The following PATJ variants were observed in gnomAD, a reference collection of about 807,000 sequenced individuals.
The protein encoded by PATJ is inaD-like protein.
A neutral mutation model predicts 224.9 loss-of-function variants in PATJ; 190 were observed. The observed-to-expected ratio is 0.84, with a 90% CI of 0.75 to 0.95. The LOEUF (loss-of-function observed/expected upper bound fraction) is 0.95. PATJ is among the 40% of genes least tolerant of loss of function. The probability of loss-of-function intolerance (pLI) is 0.00; values close to 1 mark genes in which losing one functional copy is unlikely to be tolerated. For synonymous variants in PATJ, 769 were observed against 820.3 expected (o/e 0.94, Z 1.07); for missense variants, 2,121 against 2,270.3 (o/e 0.93, Z 1.34).
intron 33 of PATJ, among the ~76,000 whole-genome samples, chr1:62,101,190 A>G (rs1662111399): frequency 6.6e-6 from 1 of 151,744 alleles, no homozygotes; most frequent in Non-Finnish European, 1.5e-5. Context: ...ATGTGCATAC[A>G]TTATCCATGT....
At chr1:61,938,237 G>A (rs1480057808) in intron 27 of PATJ, among the ~76,000 whole-genome samples, 1 of 152,172 alleles carries the variant, frequency 6.6e-6, no homozygotes, top group Non-Finnish European at 1.5e-5. Context: ...GTGGATGGGG[G>A]ATTCTACTGT....
Position 61,836,757 on chromosome 1 carries a change from G to A in PATJ, c.2112+2972G>A, listed in dbSNP as rs149751282. Among the ~76,000 whole-genome samples, 306 of 152,316 alleles carry A rather than the reference G, an allele frequency of 2.0e-3. 3 individuals are homozygous for A. Among genetic ancestry groups the A allele is most frequent in the African/African-American group, 6.9e-3 (288 of 41,570 alleles). On this transcript the variant is annotated intron_variant, in intron 17 of 43. Coordinates refer to ENST00000642238, the MANE Select transcript of PATJ (RefSeq NM_001350145.3). ...TATTTTTTGCAAGGCCAGGCAAAGG[G>A]TTTAGCAAAAGCCATGAAAGGCCAC...
chr1:61,810,102 G>A (rs1051018022), intron 14 of PATJ, among the ~76,000 whole-genome samples: 1 of 151,590 alleles, frequency 6.6e-6, no homozygotes, highest in Admixed American at 6.6e-5. Flanking sequence ...CACCTGCCTC[G>A]GCCTCCCAGA....
At chr1:61,992,309 G>A (rs1187968420) in intron 28 of PATJ, among the ~76,000 whole-genome samples, 2 of 151,940 alleles carry the variant, frequency 1.3e-5, no homozygotes, top group African/African-American at 4.8e-5. Flanking sequence ...GTAGAGATGG[G>A]GTTTCTCCAT....
At chr1:62,129,031 C>A in intron 41 of PATJ, 86 bp downstream of exon 41, 1 of 809,828 alleles carries the variant, frequency 1.2e-6, no homozygotes, top group Non-Finnish European at 2.1e-6. Context: ...GTAGACATCG[C>A]CACCCAGCAG....
intron 31 of PATJ, among the ~76,000 whole-genome samples, chr1:62,077,527 A>G (rs773452352): frequency 6.6e-6 from 1 of 151,966 alleles, no homozygotes; most frequent in Non-Finnish European, 1.5e-5. Context: ...CATCTTTACT[A>G]AAAATACAAA....
intron 28 of PATJ, 113 bp from the exon 29 acceptor site, chr1:62,017,743 A>AGAAAAG (rs372936285): frequency 1.9e-6 from 1 of 516,386 alleles, no homozygotes; most frequent in Non-Finnish European, 3.4e-6. Flanking sequence ...AAAAAAAAAA[A>AGAAAAG]AAAAGAAAAG....
In PATJ at chr1:62,014,631, A is replaced by G. The variant is rs148917499; in HGVS notation, c.3868-3225A>G. ...GCCCAGGCTAGAGTGCTGTGGCACA[A>G]TCTTGCCTCACTGCAGCCTCAACCT... is the stretch of plus-strand genomic sequence containing the variant. On this transcript the variant is annotated intron_variant, in intron 28 of 43. Transcript: ENST00000642238. Among the ~76,000 whole-genome samples the G allele has an allele frequency of 1.1e-4, 15 of 141,282 alleles. No individual in the cohort carries two copies. In the East Asian group the frequency reaches 2.9e-3, roughly 27 times the overall value. The allele number at this position is 141,282 out of a possible 152,430, so 92.7% of individuals were successfully genotyped here. A position where few individuals can be genotyped will look rare whatever the true frequency, so the allele number is the denominator to read the frequency against.
At chr1:62,052,219 C>G (rs1653756845) in intron 31 of PATJ, among the ~76,000 whole-genome samples, 1 of 152,114 alleles carries the variant, frequency 6.6e-6, no homozygotes. Context: ...TACTTCAGGG[C>G]ATTTGAGAAA....
At chr1:61,757,120 G>T (rs1374586126) in intron 1 of PATJ, among the ~76,000 whole-genome samples, 1 of 135,152 alleles carries the variant, frequency 7.4e-6, no homozygotes, top group Non-Finnish European at 1.5e-5. Flanking sequence ...TTGCCAGACT[G>T]GGGTGCAGTA....
intron 15 of PATJ, among the ~76,000 whole-genome samples, chr1:61,825,330 C>T (rs1475868370): frequency 6.6e-6 from 1 of 152,006 alleles, no homozygotes; most frequent in Non-Finnish European, 1.5e-5. Context: ...ATTTTCCAGT[C>T]AAAAACTTGG....
intron 18 of PATJ, among the ~76,000 whole-genome samples, chr1:61,860,833 TAAA>T (rs760245834): frequency 7.5e-6 from 1 of 133,498 alleles, no homozygotes; most frequent in Non-Finnish European, 1.6e-5. Flanking sequence ...TGTCTCAATT[TAAA>T]AAAAAAAAAA....
At chr1:61,954,375 A>C (rs1393054913) in intron 27 of PATJ, among the ~76,000 whole-genome samples, 1 of 152,046 alleles carries the variant, frequency 6.6e-6, no homozygotes, top group Non-Finnish European at 1.5e-5. Context: ...TAGAGAATTT[A>C]CCTTTTCTTT....
chr1:61,926,044 G>A (rs1239274879), intron 26 of PATJ, among the ~76,000 whole-genome samples: 1 of 152,158 alleles, frequency 6.6e-6, no homozygotes, highest in Non-Finnish European at 1.5e-5. Context: ...ATGCGTCAGG[G>A]AACCCAAACA....
chr1:62,056,707 A>G (rs1258825516), intron 31 of PATJ, among the ~76,000 whole-genome samples: 1 of 152,108 alleles, frequency 6.6e-6, no homozygotes, highest in East Asian at 1.9e-4. Flanking sequence ...CTTGAACCCC[A>G]GGGGCGGAGG....
At chr1:62,073,044 T>C (rs1205689563) in intron 31 of PATJ, 10 of 985,236 alleles carry the variant, frequency 1.0e-5, no homozygotes, top group Non-Finnish European at 1.2e-5. Context: ...AGGTGATTGG[T>C]CAGGGCATGG....
At chr1:62,002,687 C>T (rs1327346911) in intron 28 of PATJ, among the ~76,000 whole-genome samples, 2 of 110,156 alleles carry the variant, frequency 1.8e-5, no homozygotes, top group African/African-American at 7.1e-5. Context: ...CAAACCTGGG[C>T]AACAAGAGCG....
intron 27 of PATJ, among the ~76,000 whole-genome samples, chr1:61,954,072 C>T (rs952529839): frequency 2.0e-5 from 3 of 152,154 alleles, no homozygotes; most frequent in South Asian, 2.1e-4. Context: ...CATAAATGGA[C>T]ACATATTTAT....
chr1:62,140,398 A>T (rs904679521), intron 41 of PATJ, among the ~76,000 whole-genome samples: 3 of 152,202 alleles, frequency 2.0e-5, no homozygotes, highest in Non-Finnish European at 4.4e-5. Flanking sequence ...CACGCCAGTA[A>T]TCCCAGCACT....
Sources: allele counts gnomAD v4.1 joint callset (sites outside exome capture counted in the v4.1 genomes callset), GRCh38; gene constraint gnomAD v4.1.1; transcripts MANE v1.5; gene names NCBI Gene and HGNC (gene_info 2026-07-23, HGNC 2026-07-21).